DSCAM: variants seen among roughly 807,000 people sequenced by gnomAD.
DSCAM encodes the protein cell adhesion molecule DSCAM.
Under a neutral mutation model 217.7 loss-of-function variants are expected in DSCAM, and 47 were observed. The ratio of observed to expected loss-of-function variants is 0.22; its 90% CI spans 0.17 to 0.28. The LOEUF is 0.28. Ranked by LOEUF, DSCAM falls within the 10% of genes least tolerant of loss-of-function variation. DSCAM has a pLI of 1.00. For synonymous variants in DSCAM, 1,056 were observed against 1,015.3 expected (o/e 1.04, Z -0.76); for missense variants, 2,080 against 2,618.3 (o/e 0.79, Z 4.49).
At chr21:40,360,227 G>A (rs529209999) in intron 4 of DSCAM, among the ~76,000 whole-genome samples, 103 of 149,758 alleles carry the variant, frequency 6.9e-4, no homozygotes, top group African/African-American at 2.2e-3. Context: ...TGCCTCCCGG[G>A]GTTCACACCA....
chr21:40,839,815 T>C (rs8131683), intron 1 of DSCAM, among the ~76,000 whole-genome samples: 51,469 of 151,908 alleles, frequency 0.34, 9,053 homozygotes, highest in African/African-American at 0.44. Flanking sequence ...TAAATCTTAC[T>C]CACTGTCTTC....
At chr21:40,143,009 GC>G (rs2090311732) in intron 17 of DSCAM, among the ~76,000 whole-genome samples, 1 of 151,942 alleles carries the variant, frequency 6.6e-6, no homozygotes, top group Non-Finnish European at 1.5e-5. Flanking sequence ...TAATTTTATT[GC>G]CTGAGTAGAA....
chr21:40,655,554 C>A (rs1357880027), intron 3 of DSCAM, among the ~76,000 whole-genome samples: 1 of 151,924 alleles, frequency 6.6e-6, no homozygotes, highest in Non-Finnish European at 1.5e-5. Flanking sequence ...GCCATCCTAC[C>A]ACCTCAGCCT....
At chr21:40,048,204 T>G (rs991664004) in intron 30 of DSCAM, among the ~76,000 whole-genome samples, 3 of 152,250 alleles carry the variant, frequency 2.0e-5, no homozygotes, top group African/African-American at 7.2e-5. Flanking sequence ...TGTGCCCAAG[T>G]GCTCCGGGCA....
At position 40,228,630 on chromosome 21, in the gene DSCAM, C is replaced by G. The variant is rs75215348; in HGVS notation, c.2357-39392G>C. Among the ~76,000 whole-genome samples the G allele has an allele frequency of 6.0e-3, 906 of 149,988 alleles. 12 individuals are homozygous for G. The highest frequency in any genetic ancestry group is 0.022 in the African/African-American group (871 of 40,410). On this transcript the variant is annotated intron_variant, in intron 11 of 32. Coordinates refer to ENST00000400454, the MANE Select transcript of DSCAM (RefSeq NM_001389.5). ...TGTTTATTTTATCCTTTCTTTCCCCCTCCACCTCTTTTCTTTTTTTTTTTT... is the reference window on the plus strand; with the variant it reads ...TGTTTATTTTATCCTTTCTTTCCCCGTCCACCTCTTTTCTTTTTTTTTTTT...
chr21:40,504,366 C>G (rs1298609918), intron 3 of DSCAM, among the ~76,000 whole-genome samples: 1 of 151,098 alleles, frequency 6.6e-6, no homozygotes, highest in South Asian at 2.1e-4. Context: ...GCTGTCCCTG[C>G]CTTCCCTGTT....
At chr21:40,386,226 G>A (rs908106358) in intron 3 of DSCAM, among the ~76,000 whole-genome samples, 3 of 152,152 alleles carry the variant, frequency 2.0e-5, no homozygotes, top group African/African-American at 7.2e-5. Flanking sequence ...ATAAAAATGT[G>A]TATATTTTTC....
intron 11 of DSCAM, among the ~76,000 whole-genome samples, chr21:40,262,837 G>T (rs1405881267): frequency 6.6e-6 from 1 of 152,208 alleles, no homozygotes; most frequent in Non-Finnish European, 1.5e-5. Flanking sequence ...TTGGCACATG[G>T]TAAGAACTCA....
At chr21:40,375,905 G>T (rs1311572539) in intron 3 of DSCAM, among the ~76,000 whole-genome samples, 5 of 152,122 alleles carry the variant, frequency 3.3e-5, no homozygotes, top group African/African-American at 9.7e-5. Flanking sequence ...CTCCAGAGAT[G>T]AATATATTCT....
intron 27 of DSCAM, among the ~76,000 whole-genome samples, chr21:40,067,733 C>T (rs2089230373): frequency 2.3e-5 from 1 of 44,092 alleles, no homozygotes; most frequent in Non-Finnish European, 4.6e-5. Flanking sequence ...CATTCCCTCC[C>T]TCCCCTCATT....
intron 2 of DSCAM, among the ~76,000 whole-genome samples, chr21:40,702,636 C>T (rs910955717): frequency 4.6e-5 from 7 of 151,736 alleles, no homozygotes; most frequent in African/African-American, 1.5e-4. Flanking sequence ...GATATTGATA[C>T]GGTTAGGTTT....
intron 3 of DSCAM, among the ~76,000 whole-genome samples, chr21:40,406,616 G>C (rs1485660281): frequency 6.6e-6 from 1 of 152,014 alleles, no homozygotes; most frequent in Non-Finnish European, 1.5e-5. Context: ...TTTGAGACAG[G>C]GTCTGGCTAT....
chr21:40,456,844 C>A (rs2075767883), intron 3 of DSCAM, among the ~76,000 whole-genome samples: 1 of 152,048 alleles, frequency 6.6e-6, no homozygotes. Context: ...ATATTTATGA[C>A]TTTTCATAAT....
intron 3 of DSCAM, among the ~76,000 whole-genome samples, chr21:40,635,216 A>T (rs377629594): frequency 2.6e-5 from 4 of 152,298 alleles, no homozygotes; most frequent in East Asian, 1.9e-4. Context: ...AGGGGAAAAT[A>T]AAGAAGAGAA....
chr21:40,844,079 T>G (rs1687688757), intron 1 of DSCAM, among the ~76,000 whole-genome samples: 1 of 152,142 alleles, frequency 6.6e-6, no homozygotes, highest in African/African-American at 2.4e-5. Context: ...CATTCAGAAA[T>G]TTTTCAAAGT....
At chr21:40,487,434 T>C (rs998514604) in intron 3 of DSCAM, among the ~76,000 whole-genome samples, 2 of 152,014 alleles carry the variant, frequency 1.3e-5, no homozygotes, top group African/African-American at 4.8e-5. Flanking sequence ...ACTGCTATTG[T>C]CTCTCAGGCA....
At chr21:40,169,672 T>C (rs1165667416) in intron 15 of DSCAM, among the ~76,000 whole-genome samples, 1 of 152,096 alleles carries the variant, frequency 6.6e-6, no homozygotes, top group Non-Finnish European at 1.5e-5. Context: ...TGAAAGGAAA[T>C]GGGGACATTG....
chr21:40,285,175 T>C (rs1450592427), intron 10 of DSCAM, among the ~76,000 whole-genome samples: 2 of 152,130 alleles, frequency 1.3e-5, no homozygotes, highest in Non-Finnish European at 2.9e-5. Context: ...GTGGTTGAGG[T>C]GACTCAATTA....
At chr21:40,405,990 C>T (rs2075276625) in intron 3 of DSCAM, among the ~76,000 whole-genome samples, 1 of 152,128 alleles carries the variant, frequency 6.6e-6, no homozygotes, top group Non-Finnish European at 1.5e-5. Context: ...GAGTGAGACT[C>T]TGTCTCAACA....
Sources: allele counts gnomAD v4.1 joint callset (sites outside exome capture counted in the v4.1 genomes callset), GRCh38; gene constraint gnomAD v4.1.1; transcripts MANE v1.5; gene names NCBI Gene and HGNC (gene_info 2026-07-23, HGNC 2026-07-21).